PRKDC: variants seen among roughly 807,000 people sequenced by gnomAD.
The protein encoded by PRKDC is DNA-dependent protein kinase catalytic subunit.
Under a neutral mutation model 486.9 loss-of-function variants are expected in PRKDC, and 82 were observed. The ratio of observed to expected loss-of-function variants is 0.17; its 90% CI spans 0.14 to 0.20. The LOEUF (loss-of-function observed/expected upper bound fraction) is 0.20. Among genes scored for constraint, PRKDC ranks in the 10% least tolerant of loss-of-function variants. PRKDC has a pLI of 1.00. For missense variants in PRKDC, 4,504 were observed against 5,038.2 expected (o/e 0.89, Z 3.21); for synonymous variants, 1,895 against 1,837.0 (o/e 1.03, Z -0.81).
chr8:47,817,340 G>T, intron 68 of PRKDC, 110 bp downstream of exon 68: 1 of 736,106 alleles, frequency 1.4e-6, no homozygotes, highest in Non-Finnish European at 2.2e-6. Context: ...ATGGAAAACA[G>T]CTGTGCTAGG....
chr8:47,955,804 T>A lies in PRKDC; in HGVS notation c.399+70A>T, dbSNP rs530891765. ...CCAAACACATCACCCAAAACACAAC[T>A]CAAAACTCTGATTTTCTTTTAAAAG... On this transcript the variant is annotated intron_variant, in intron 4 of 85. Transcript: ENST00000314191. 92 of 1,301,416 alleles carry A rather than the reference T, an allele frequency of 7.1e-5. No individual in the cohort carries two copies. In the South Asian group the frequency reaches 9.6e-4, roughly 14 times the overall value. The allele number at this position is 1,301,416 out of a possible 1,614,324, so 80.6% of individuals were successfully genotyped here. A position where few individuals can be genotyped will look rare whatever the true frequency, so the allele number is the denominator to read the frequency against.
chr8:47,928,120 A>G (rs1589798414), intron 19 of PRKDC, among the ~76,000 whole-genome samples: 1 of 150,528 alleles, frequency 6.6e-6, no homozygotes, highest in South Asian at 2.1e-4. Context: ...AGTTGTCATC[A>G]CTCAACTGAA....
At position 47,774,254 on chromosome 8, in the gene PRKDC, A is replaced by G; in HGVS notation, c.12306T>C (p.Thr4102=). 6.2e-7 allele frequency: 1 copy of G among 1,607,504 alleles called. No individual in the cohort carries two copies. Among genetic ancestry groups the G allele is most frequent in the Non-Finnish European group, 8.5e-7 (1 of 1,177,150 alleles). ...CCTGGTCCATCAGGCACTTCACTTGAGTCTCTTCTGAAAGCCCACTCTCTG... is the reference window on the plus strand; with the variant it reads ...CCTGGTCCATCAGGCACTTCACTTGGGTCTCTTCTGAAAGCCCACTCTCTG... ...QEPESGLSEE[T]QVKCLMDQAT... Residue 4102 remains threonine, a synonymous_variant, in exon 86 of 86, where the codon ACT becomes ACC. Coordinates refer to ENST00000314191, the MANE Select transcript of PRKDC (RefSeq NM_006904.7).
chr8:47,956,832 G>A (rs1297077489), intron 3 of PRKDC, among the ~76,000 whole-genome samples: 1 of 151,202 alleles, frequency 6.6e-6, no homozygotes, highest in Non-Finnish European at 1.5e-5. Flanking sequence ...GGGCCCCAGG[G>A]AGCCCAGGGT....
chr8:47,864,698 G>T lies in PRKDC; in HGVS notation c.5429C>A (p.Pro1810His), dbSNP rs1266688702. ...GGACTGGCGTGTGAAACTTAGGCGGGGGTCATCCTTCCTGAACATTTCATA... is the reference window on the plus strand; with the variant it reads ...GGACTGGCGTGTGAAACTTAGGCGGTGGTCATCCTTCCTGAACATTTCATA... ...SVYEMFRKDD[P>H]RLSFTRQSFV... The change falls in exon 41 of 86, where the codon CCC becomes CAC. Residue 1810 changes from proline (P) to histidine (H), a missense_variant. By Grantham distance (77) the Pro-to-His change is moderately conservative (BLOSUM62 -2). Transcript: ENST00000314191. The T allele has an allele frequency of 6.2e-7, 1 of 1,607,384 alleles. No individual in the cohort carries two copies. Among genetic ancestry groups the T allele is most frequent in the Non-Finnish European group, 8.5e-7 (1 of 1,176,872 alleles).
chr8:47,788,218 G>A (rs2086823265), intron 76 of PRKDC, among the ~76,000 whole-genome samples: 1 of 152,266 alleles, frequency 6.6e-6, no homozygotes, highest in African/African-American at 2.4e-5. Flanking sequence ...GCGTGGGGAG[G>A]GTTGGGAAAG....
intron 63 of PRKDC, among the ~76,000 whole-genome samples, chr8:47,825,844 C>T (rs758749611): frequency 5.3e-5 from 8 of 152,176 alleles, no homozygotes; most frequent in Non-Finnish European, 7.3e-5. Flanking sequence ...GTGCTCACCA[C>T]CTCCTACTTC....
At chr8:47,945,755 T>C (rs551358668) in intron 7 of PRKDC, among the ~76,000 whole-genome samples, 2 of 152,272 alleles carry the variant, frequency 1.3e-5, no homozygotes, top group African/African-American at 4.8e-5. Flanking sequence ...CGAGTTTCAC[T>C]CTATCACCCA....
At chr8:47,831,456 C>T (rs1453716776) in intron 60 of PRKDC, among the ~76,000 whole-genome samples, 1 of 152,192 alleles carries the variant, frequency 6.6e-6, no homozygotes, top group Non-Finnish European at 1.5e-5. Flanking sequence ...CACCTGTCCT[C>T]GGGGCACCGT....
intron 80 of PRKDC, among the ~76,000 whole-genome samples, chr8:47,781,169 C>T (rs576411011): frequency 6.6e-6 from 1 of 152,196 alleles, no homozygotes; most frequent in African/African-American, 2.4e-5. Flanking sequence ...CTGCTTGGCA[C>T]CTGCATTGTC....
At chr8:47,869,464 T>C (rs1186614435) in intron 40 of PRKDC, among the ~76,000 whole-genome samples, 1 of 151,344 alleles carries the variant, frequency 6.6e-6, no homozygotes, top group Non-Finnish European at 1.5e-5. Context: ...CTCAGTCTGA[T>C]GGGATTCATC....
At chr8:47,921,138 C>G (rs896866664) in intron 21 of PRKDC, among the ~76,000 whole-genome samples, 1 of 151,992 alleles carries the variant, frequency 6.6e-6, no homozygotes, top group African/African-American at 2.4e-5. Context: ...ACCTGTATTC[C>G]CAGCTACTCG....
intron 40 of PRKDC, among the ~76,000 whole-genome samples, chr8:47,872,911 C>T (rs2088990718): frequency 6.6e-6 from 1 of 152,176 alleles, no homozygotes; most frequent in South Asian, 2.1e-4. Context: ...AAAGAAACAT[C>T]ATACTCAATC....
chr8:47,846,890 G>A (rs2088278157), intron 54 of PRKDC, among the ~76,000 whole-genome samples: 1 of 152,146 alleles, frequency 6.6e-6, no homozygotes, highest in Non-Finnish European at 1.5e-5. Flanking sequence ...AATCAAGAAT[G>A]TAAGCCTATT....
In PRKDC at chr8:47,878,458, A is replaced by G. The variant is rs2089137671; in HGVS notation, c.5236-607T>C. The stretch of plus-strand genomic sequence containing the variant: ...ACTCTTCTCTGCATCTCAGGTTCTG[A>G]GAGTACATGGAGACGTGCCTTCAAC... On this transcript the variant is annotated intron_variant, in intron 39 of 85. Coordinates refer to ENST00000314191, the MANE Select transcript of PRKDC (RefSeq NM_006904.7). 2.0e-5 allele frequency among the ~76,000 whole-genome samples: 3 copies of G among 152,046 alleles called. No individual in the cohort carries two copies. In the South Asian group the frequency reaches 6.2e-4, roughly 32 times the overall value.
Position 47,782,700 on chromosome 8 carries a change from T to C in PRKDC, c.11176-102A>G, listed in dbSNP as rs1754624155. On this transcript the variant is annotated intron_variant, in intron 78 of 85. Transcript: ENST00000314191. The surrounding 1 kb of genome is among the most constrained non-coding windows in gnomAD (Gnocchi z 4.9). Reference sequence around the variant, plus strand: ...TGAGCATTCCTCCGTGGGGCCGCCCTCTGAAGACAGTGCCAAAGAGCAGAG... The same window carrying C: ...TGAGCATTCCTCCGTGGGGCCGCCCCCTGAAGACAGTGCCAAAGAGCAGAG... The C allele has an allele frequency of 7.6e-7, 1 of 1,308,878 alleles. No homozygotes were observed. Among genetic ancestry groups the C allele is most frequent in the African/African-American group, 1.5e-5 (1 of 68,628 alleles). The allele number at this position is 1,308,878 out of a possible 1,614,324, so 81.1% of individuals were successfully genotyped here.
At chr8:47,956,834 G>A (rs1400714539) in intron 3 of PRKDC, among the ~76,000 whole-genome samples, 2 of 151,338 alleles carry the variant, frequency 1.3e-5, no homozygotes, top group Non-Finnish European at 2.9e-5. Context: ...GCCCCAGGGA[G>A]CCCAGGGTGC....
In PRKDC at chr8:47,913,929, G is replaced by A. The variant is rs373422346; in HGVS notation, c.2753C>T (p.Ala918Val). The change falls in exon 24 of 86, where the codon GCG (alanine) becomes GTG (valine). Residue 918 changes from alanine to valine, a missense_variant. This residue lies in a region of PRKDC where 1,969 missense variants were observed against 2,068.9 expected (regional missense o/e 0.95). Coordinates refer to ENST00000314191, the MANE Select transcript of PRKDC (RefSeq NM_006904.7). ...AGTTTGTCTGTCACTGGCTGTGAGC[G>A]CTAATTCTGTGACTCGAGGCAGGAA... ...DVFLPRVTEL[A>V]LTASDRQTKV... is the part of the protein sequence containing the mutation. 30 of 1,609,878 alleles carry A rather than the reference G, an allele frequency of 1.9e-5. No individual in the cohort carries two copies. The South Asian group carries it at 1.9e-4, about 10-fold the overall frequency.
intron 16 of PRKDC, among the ~76,000 whole-genome samples, chr8:47,932,033 G>C (rs2090264935): frequency 6.6e-6 from 1 of 151,934 alleles, no homozygotes; most frequent in African/African-American, 2.4e-5. Context: ...TGGGATTACA[G>C]GTGCCCGCCA....
Sources: allele counts gnomAD v4.1 joint callset (sites outside exome capture counted in the v4.1 genomes callset), GRCh38; gene constraint gnomAD v4.1.1; regional missense constraint gnomAD v4.1.1; non-coding constraint Gnocchi (gnomAD v3.1); transcripts MANE v1.5; gene names NCBI Gene and HGNC (gene_info 2026-07-23, HGNC 2026-07-21).